Variants in MAGI2 observed in about 807,000 individuals in gnomAD.
The protein encoded by MAGI2 is membrane-associated guanylate kinase, WW and PDZ domain-containing protein 2.
MAGI2 carries 35 observed loss-of-function variants against 133.3 expected under a neutral mutation model. That is an observed-to-expected ratio of 0.26 (90% confidence interval 0.20 to 0.35). The LOEUF (loss-of-function observed/expected upper bound fraction) is 0.35. MAGI2 is among the 10% of genes least tolerant of loss of function. The pLI is 1.00. For synonymous variants in MAGI2, 729 were observed against 710.6 expected (o/e 1.03, Z -0.41); for missense variants, 1,636 against 1,863.4 (o/e 0.88, Z 2.25).
intron 6 of MAGI2, among the ~76,000 whole-genome samples, chr7:78,394,556 C>T (rs1170918691): frequency 6.6e-6 from 1 of 152,186 alleles, no homozygotes; most frequent in Non-Finnish European, 1.5e-5. Context: ...CCATCTAACT[C>T]TTCTCTCTCC....
intron 1 of MAGI2, among the ~76,000 whole-genome samples, chr7:79,318,581 T>C (rs1418398542): frequency 6.6e-6 from 1 of 152,164 alleles, no homozygotes; most frequent in East Asian, 1.9e-4. Context: ...ACTATACTTA[T>C]CAAATTTTTA....
At chr7:78,598,164 G>A (rs1043914403) in intron 3 of MAGI2, among the ~76,000 whole-genome samples, 25 of 152,120 alleles carry the variant, frequency 1.6e-4, no homozygotes, top group African/African-American at 5.8e-4. Context: ...AAGGTATCAT[G>A]TTAAACTCTA....
chr7:78,677,591 A>C (rs1815184298), intron 2 of MAGI2, among the ~76,000 whole-genome samples: 1 of 152,078 alleles, frequency 6.6e-6, no homozygotes, highest in Non-Finnish European at 1.5e-5. Context: ...ATTACATGCA[A>C]GGCTTTGTGT....
intron 9 of MAGI2, among the ~76,000 whole-genome samples, chr7:78,291,036 C>T (rs1796653010): frequency 6.6e-6 from 1 of 152,072 alleles, no homozygotes; most frequent in Non-Finnish European, 1.5e-5. Flanking sequence ...GCTAGAGAAG[C>T]AAGAGCAAAC....
intron 1 of MAGI2, among the ~76,000 whole-genome samples, chr7:79,088,991 C>A (rs1211936394): frequency 6.6e-6 from 1 of 152,062 alleles, no homozygotes; most frequent in African/African-American, 2.4e-5. Flanking sequence ...GAAAAAGAAA[C>A]TCGCATCAGA....
chr7:78,268,759 A>G (rs1164346703), intron 9 of MAGI2, among the ~76,000 whole-genome samples: 5 of 152,154 alleles, frequency 3.3e-5, no homozygotes, highest in Non-Finnish European at 7.4e-5. Flanking sequence ...GACTGCTTGA[A>G]CTGAAAAGTA....
intron 6 of MAGI2, among the ~76,000 whole-genome samples, chr7:78,465,704 G>T (rs1790553199): frequency 6.6e-6 from 1 of 152,104 alleles, no homozygotes; most frequent in African/African-American, 2.4e-5. Flanking sequence ...GGCAGAAAAT[G>T]AAAGAAAAAT....
In MAGI2 at chr7:78,345,908, G is replaced by T; in HGVS notation, c.1225+14C>A. Reference sequence around the variant, plus strand: ...TTTTCCCTTTGAAACATCACATGCTGACAGGTATCATACCTCGGAAACCTG... The same window carrying T: ...TTTTCCCTTTGAAACATCACATGCTTACAGGTATCATACCTCGGAAACCTG... On this transcript the variant is annotated intron_variant, in intron 8 of 21. Transcript: ENST00000354212. The T allele has an allele frequency of 6.2e-7, 1 of 1,612,846 alleles. No individual in the cohort carries two copies. Among genetic ancestry groups the T allele is most frequent in the Non-Finnish European group, 8.5e-7 (1 of 1,179,716 alleles).
At chr7:78,527,180 C>G (rs890755372) in intron 3 of MAGI2, among the ~76,000 whole-genome samples, 2 of 152,078 alleles carry the variant, frequency 1.3e-5, no homozygotes, top group Non-Finnish European at 2.9e-5. Flanking sequence ...GGGAGAGAGA[C>G]TAATTATGAG....
chr7:78,679,412 G>A (rs968041436), intron 2 of MAGI2, among the ~76,000 whole-genome samples: 3 of 152,036 alleles, frequency 2.0e-5, no homozygotes, highest in Non-Finnish European at 4.4e-5. Flanking sequence ...AACATATCAC[G>A]GTTTTAGCAA....
chr7:79,063,866 CT>C (rs747208860), intron 1 of MAGI2, among the ~76,000 whole-genome samples: 71 of 152,056 alleles, frequency 4.7e-4, no homozygotes, highest in Non-Finnish European at 8.8e-4. Flanking sequence ...TACTAAAATT[CT>C]TATAAAGCCA....
At chr7:79,199,408 G>A (rs1828388869) in intron 1 of MAGI2, among the ~76,000 whole-genome samples, 1 of 151,976 alleles carries the variant, frequency 6.6e-6, no homozygotes, top group Non-Finnish European at 1.5e-5. Context: ...TACAAGCTCA[G>A]TAATTCTTCA....
chr7:79,044,534 A>C (rs1260723324), intron 1 of MAGI2, among the ~76,000 whole-genome samples: 1 of 152,096 alleles, frequency 6.6e-6, no homozygotes, highest in African/African-American at 2.4e-5. Flanking sequence ...AAGGATGCCC[A>C]CTCTCACCAC....
intron 1 of MAGI2, among the ~76,000 whole-genome samples, chr7:79,157,911 C>T (rs1585071520): frequency 9.8e-6 from 1 of 102,216 alleles, no homozygotes; most frequent in South Asian, 3.5e-4. Context: ...GGCTAAAGTT[C>T]TGAAGTAAAT....
At chr7:79,182,033 C>T (rs538509990) in intron 1 of MAGI2, among the ~76,000 whole-genome samples, 6 of 152,144 alleles carry the variant, frequency 3.9e-5, no homozygotes, top group African/African-American at 1.4e-4. Context: ...CAAAGCCATT[C>T]AAGAAGTCTC....
Position 79,215,465 on chromosome 7 carries a change from C to CCTT in MAGI2, c.302-208262_302-208260dup, listed in dbSNP as rs1221622326. ...CATTTACCATCTATTCTCTCTGAAACCTTCTTCGGGGAGGCTTGATGTGCA... is the reference window on the plus strand; with the variant it reads ...CATTTACCATCTATTCTCTCTGAAACCTTCTTCTTCGGGGAGGCTTGATGTGCA... On this transcript the variant is annotated intron_variant, in intron 1 of 21. Coordinates refer to ENST00000354212, the MANE Select transcript of MAGI2 (RefSeq NM_012301.4). 3.9e-5 allele frequency among the ~76,000 whole-genome samples: 6 copies of CCTT among 152,100 alleles called. 1 individual carries two copies. Among genetic ancestry groups the CCTT allele is most frequent in the African/African-American group, 1.4e-4 (6 of 41,406 alleles).
At chr7:79,288,598 T>C (rs1306412302) in intron 1 of MAGI2, among the ~76,000 whole-genome samples, 3 of 152,166 alleles carry the variant, frequency 2.0e-5, no homozygotes, top group African/African-American at 7.2e-5. Flanking sequence ...ATCAGAATTG[T>C]ATAATAAAAT....
intron 1 of MAGI2, among the ~76,000 whole-genome samples, chr7:79,055,293 T>TG (rs1256592027): frequency 6.6e-6 from 1 of 152,018 alleles, no homozygotes; most frequent in Non-Finnish European, 1.5e-5. Context: ...GCCTTTTTTT[T>TG]TTTAACTGTT....
At chr7:79,110,120 G>T (rs1025976651) in intron 1 of MAGI2, among the ~76,000 whole-genome samples, 2 of 151,416 alleles carry the variant, frequency 1.3e-5, no homozygotes, top group East Asian at 2.0e-4. Context: ...AGTGAAGAAG[G>T]CTTGGTAGTC....
Sources: allele counts gnomAD v4.1 joint callset (sites outside exome capture counted in the v4.1 genomes callset), GRCh38; gene constraint gnomAD v4.1.1; transcripts MANE v1.5; gene names NCBI Gene and HGNC (gene_info 2026-07-23, HGNC 2026-07-21).